GRID1: variants seen among roughly 807,000 people sequenced by gnomAD.
GRID1 encodes glutamate ionotropic receptor delta type subunit 1.
Under a neutral mutation model 98.0 loss-of-function variants are expected in GRID1, and 28 were observed. The observed-to-expected ratio is 0.29, with a 90% CI of 0.21 to 0.39. The LOEUF is 0.39. Ranked by LOEUF, GRID1 falls within the 10% of genes least tolerant of loss-of-function variation. GRID1 has a pLI of 1.00. For missense variants in GRID1, 1,111 were observed against 1,340.5 expected (o/e 0.83, Z 2.67); for synonymous variants, 553 against 538.5 (o/e 1.03, Z -0.37).
intron 4 of GRID1, among the ~76,000 whole-genome samples, chr10:86,050,795 T>C (rs1184314304): frequency 6.6e-6 from 1 of 151,616 alleles, no homozygotes. Flanking sequence ...TGTAAAGCAA[T>C]TGCAATGGAA....
intron 12 of GRID1, among the ~76,000 whole-genome samples, chr10:85,688,522 G>GTC (rs1841294553): frequency 6.6e-6 from 1 of 152,114 alleles, no homozygotes; most frequent in Non-Finnish European, 1.5e-5. Flanking sequence ...CCTAGAAATG[G>GTC]ATAGATTTAA....
chr10:85,779,068 T>G (rs1842359004), intron 8 of GRID1, among the ~76,000 whole-genome samples: 2 of 152,214 alleles, frequency 1.3e-5, no homozygotes, highest in Admixed American at 1.3e-4. Context: ...CAAAATGTCT[T>G]CAGTGAAGTT....
At chr10:85,880,899 T>C (rs909735081) in intron 5 of GRID1, among the ~76,000 whole-genome samples, 9 of 152,302 alleles carry the variant, frequency 5.9e-5, no homozygotes, top group African/African-American at 2.2e-4. Context: ...AAAATCTCCT[T>C]AAGCTGATAA....
intron 4 of GRID1, among the ~76,000 whole-genome samples, chr10:86,114,580 C>A (rs555817024): frequency 5.3e-5 from 8 of 152,124 alleles, no homozygotes; most frequent in Non-Finnish European, 8.8e-5. Flanking sequence ...ACAGCTTGAC[C>A]CCCGAAGGTC....
intron 4 of GRID1, among the ~76,000 whole-genome samples, chr10:86,128,452 C>T (rs78813082): frequency 0.055 from 8,395 of 152,238 alleles, 299 homozygotes; most frequent in East Asian, 0.13. Context: ...CCCCCAGGCT[C>T]CATGACTCGA....
intron 15 of GRID1, chr10:85,606,019 T>C (rs2255335): frequency 0.66 from 100,176 of 152,126 alleles, 34,071 homozygotes; most frequent in African/African-American, 0.85. Context: ...ATAGTAAACG[T>C]GGTGGTGGGG....
intron 12 of GRID1, among the ~76,000 whole-genome samples, chr10:85,675,243 A>G (rs150250550): frequency 4.8e-4 from 73 of 152,298 alleles, no homozygotes; most frequent in African/African-American, 1.8e-3. Flanking sequence ...TGCAGCCAGG[A>G]GGGATTGATG....
intron 4 of GRID1, among the ~76,000 whole-genome samples, chr10:85,983,241 C>G (rs61855986): frequency 0.056 from 8,531 of 152,296 alleles, 304 homozygotes; most frequent in Middle Eastern, 0.092. Context: ...CTCTGTCACA[C>G]GTGCTGGTTG....
intron 4 of GRID1, among the ~76,000 whole-genome samples, chr10:85,958,896 G>C (rs1267933596): frequency 6.6e-6 from 1 of 151,074 alleles, no homozygotes. Flanking sequence ...GCCAGAGGTT[G>C]TGGTGAGCCA....
chr10:85,735,132 G>A (rs1471431561), intron 8 of GRID1, among the ~76,000 whole-genome samples: 1 of 152,142 alleles, frequency 6.6e-6, no homozygotes, highest in Non-Finnish European at 1.5e-5. Flanking sequence ...AGTCTACTCT[G>A]ACTTCCCCTT....
intron 4 of GRID1, among the ~76,000 whole-genome samples, chr10:86,122,271 T>A (rs1844687436): frequency 6.6e-6 from 1 of 152,234 alleles, no homozygotes; most frequent in Admixed American, 6.5e-5. Context: ...CTGCTCTTTC[T>A]GCTGGCCCCA....
intron 3 of GRID1, among the ~76,000 whole-genome samples, chr10:86,183,104 G>A (rs540543199): frequency 2.6e-5 from 4 of 152,076 alleles, no homozygotes; most frequent in South Asian, 4.1e-4. Context: ...GCTTCTTTGC[G>A]GTCTTTCTTT....
intron 4 of GRID1, among the ~76,000 whole-genome samples, chr10:86,009,851 T>C (rs1349385177): frequency 2.6e-5 from 4 of 152,118 alleles, no homozygotes; most frequent in Non-Finnish European, 4.4e-5. Flanking sequence ...CCCAAAAAGA[T>C]GGGTCATAGT....
intron 4 of GRID1, among the ~76,000 whole-genome samples, chr10:86,110,193 C>T (rs1286529605): frequency 2.0e-5 from 3 of 152,160 alleles, no homozygotes; most frequent in South Asian, 2.1e-4. Flanking sequence ...AGGCTGATCT[C>T]GAAATCCTGA....
intron 2 of GRID1, among the ~76,000 whole-genome samples, chr10:86,338,118 A>G (rs1848252866): frequency 6.6e-6 from 1 of 152,172 alleles, no homozygotes; most frequent in African/African-American, 2.4e-5. Context: ...TTGGATGGGC[A>G]CATGACCCAG....
chr10:85,879,694 A>C (rs1840969171), intron 5 of GRID1, among the ~76,000 whole-genome samples: 3 of 152,210 alleles, frequency 2.0e-5, no homozygotes, highest in Admixed American at 2.0e-4. Context: ...TGACACCCTA[A>C]CATCACAATT....
intron 5 of GRID1, among the ~76,000 whole-genome samples, chr10:85,893,802 T>C (rs969936959): frequency 7.2e-5 from 11 of 152,318 alleles, no homozygotes; most frequent in African/African-American, 2.4e-4. Flanking sequence ...TTCAACACAA[T>C]TGAAATTAAA....
intron 8 of GRID1, among the ~76,000 whole-genome samples, chr10:85,803,985 G>A: frequency 6.6e-6 from 1 of 151,034 alleles, no homozygotes; most frequent in African/African-American, 2.4e-5. Flanking sequence ...TTCAATTAAG[G>A]AGCTAAGAAG....
intron 12 of GRID1, chr10:85,708,660 T>C (rs1345127117): frequency 2.0e-5 from 3 of 152,232 alleles, no homozygotes; most frequent in Admixed American, 6.5e-5. Flanking sequence ...CATAAGTGCA[T>C]AAAGCAAAAC....
Sources: gnomAD v4.1 joint callset for allele counts (sites outside exome capture counted in the v4.1 genomes callset) on GRCh38, gnomAD v4.1.1 for gene constraint, MANE v1.5 for transcripts, NCBI Gene and HGNC (gene_info 2026-07-23, HGNC 2026-07-21) for gene names.